The following MYLIP variants were observed in gnomAD, a reference collection of about 807,000 sequenced individuals.
MYLIP encodes the protein myosin regulatory light chain interacting protein.
In MYLIP, 26 loss-of-function variants were observed where a neutral mutation model predicts 45.8. The observed-to-expected ratio is 0.57, with a 90% confidence interval of 0.42 to 0.79. The LOEUF is 0.79. MYLIP is among the 30% of genes least tolerant of loss of function. MYLIP has a pLI of 0.00. For missense variants in MYLIP, 494 were observed against 555.6 expected, an observed-to-expected ratio of 0.89 and a Z score of 1.11; for synonymous variants, 213 against 218.1, an observed-to-expected ratio of 0.98 and a Z score of 0.21.
At chr6:16,157,558 A>T in the MYLIP span, among the ~76,000 whole-genome samples, 3 of 152,242 alleles carry the variant, frequency 2.0e-5, no homozygotes, top group Non-Finnish European at 4.4e-5. Flanking sequence ...TGAATGACTC[A>T]TAGGAGCCTA....
At chr6:16,152,938 G>A (rs1229443628), downstream of MYLIP, among the ~76,000 whole-genome samples, 3 of 152,168 alleles carry the variant, frequency 2.0e-5, no homozygotes, top group African/African-American at 7.2e-5. Context: ...TGAAATAATG[G>A]GAGATGGGGT....
intron 2 of MYLIP, among the ~76,000 whole-genome samples, chr6:16,138,190 G>T (rs1759593719): frequency 2.0e-5 from 3 of 152,098 alleles, no homozygotes; most frequent in Admixed American, 2.0e-4. Flanking sequence ...GTGATTCTAG[G>T]ATGTAGCCTC....
At chr6:16,145,621 CCTGAGGCCTGGCCCAGGGCTG>C (rs1157397855) in intron 6 of MYLIP, among the ~76,000 whole-genome samples, 2 of 152,154 alleles carry the variant, frequency 1.3e-5, no homozygotes, top group African/African-American at 2.4e-5. Flanking sequence ...ATCCAGGCCT[CCTGAGGCCTGGCCCAGGGCTG>C]CTTCCTCTAT....
chr6:16,156,004 T>C, the MYLIP span, among the ~76,000 whole-genome samples: 2 of 152,206 alleles, frequency 1.3e-5, no homozygotes, highest in East Asian at 1.9e-4. Flanking sequence ...GAGGATTTTA[T>C]TGCTGACGAA....
intron 2 of MYLIP, among the ~76,000 whole-genome samples, chr6:16,133,820 A>G (rs1759501348): frequency 6.6e-6 from 1 of 152,216 alleles, no homozygotes; most frequent in South Asian, 2.1e-4. Context: ...TGCTTAGGTA[A>G]GGCTCACCAA....
At chr6:16,135,006 GTGTT>G (rs1759522319) in intron 2 of MYLIP, among the ~76,000 whole-genome samples, 1 of 152,192 alleles carries the variant, frequency 6.6e-6, no homozygotes, top group Non-Finnish European at 1.5e-5. Flanking sequence ...AAGGTGACCA[GTGTT>G]GAGCAGCTGT....
At chr6:16,159,582 C>T in the MYLIP span, among the ~76,000 whole-genome samples, 1 of 152,180 alleles carries the variant, frequency 6.6e-6, no homozygotes, top group Non-Finnish European at 1.5e-5. Context: ...AACACAGTGA[C>T]AGTATCTGTT....
chr6:16,141,862 A>T (rs1379964736), intron 3 of MYLIP, 52 bp downstream of exon 3: 1 of 1,477,152 alleles, frequency 6.8e-7, no homozygotes, highest in South Asian at 1.4e-5. Flanking sequence ...CTTAAACAGG[A>T]TGAAACTAAG....
chr6:16,143,187 T>G lies in MYLIP; in HGVS notation c.632T>G (p.Ile211Ser). 6.2e-7 allele frequency: 1 copy of G among 1,614,214 alleles called. No homozygotes were observed. The highest frequency in any genetic ancestry group is 8.5e-7 in the Non-Finnish European group (1 of 1,180,042). ...LIGVGPEGIS[I>S]CKDDFSPINR... is the part of the protein sequence containing the mutation. ...GGGGTTGGACCTGAAGGAATCTCAA[T>G]TTGTAAAGATGACTTTAGCCCAATT... is the stretch of plus-strand genomic sequence containing the variant. Residue 211 changes from isoleucine to serine, a missense_variant, in exon 4 of 7, where the codon ATT (isoleucine) becomes AGT (serine). Coordinates refer to ENST00000356840, the MANE Select transcript of MYLIP (RefSeq NM_013262.4).
At chr6:16,145,876 A>G (rs1360495314) in intron 6 of MYLIP, among the ~76,000 whole-genome samples, 3 of 152,214 alleles carry the variant, frequency 2.0e-5, no homozygotes, top group Non-Finnish European at 4.4e-5. Flanking sequence ...GAGAACTCAC[A>G]TATAGTTTTC....
intron 2 of MYLIP, among the ~76,000 whole-genome samples, chr6:16,140,394 C>G (rs962576788): frequency 6.6e-6 from 1 of 152,092 alleles, no homozygotes; most frequent in Non-Finnish European, 1.5e-5. Flanking sequence ...TTGTATACAA[C>G]TAGGATGGGC....
At chr6:16,160,121 G>A in the MYLIP span, among the ~76,000 whole-genome samples, 1 of 152,132 alleles carries the variant, frequency 6.6e-6, no homozygotes. Context: ...GTAAATCCAT[G>A]CTGGTTGAGC....
At position 16,129,190 on chromosome 6, in the gene MYLIP, C is replaced by G; in HGVS notation, c.-133C>G. 1.1e-6 allele frequency: 1 copy of G among 917,940 alleles called. No individual in the cohort carries two copies. Among genetic ancestry groups the G allele is most frequent in the Non-Finnish European group, 1.6e-6 (1 of 617,358 alleles). 56.9% of individuals were successfully genotyped at this position (917,940 alleles called of 1,614,324 possible). A position where few individuals can be genotyped will look rare whatever the true frequency, so the allele number is the denominator to read the frequency against. On this transcript the variant is annotated 5_prime_UTR_variant, in exon 1 of 7. Transcript: ENST00000356840. This position sits in a 1 kb window ranked among gnomAD's most constrained non-coding sequence, Gnocchi z 5.1. The stretch of plus-strand genomic sequence containing the variant: ...CGAGTGGCGGCCGCGGGGCCCCGGA[C>G]AAGGGTCCGCAGAGCTGCAGCCTTC...
chr6:16,140,881 G>C lies in MYLIP; in HGVS notation c.279-744G>C, dbSNP rs117865383. The stretch of plus-strand genomic sequence containing the variant: ...TAGAAACAAGCAGCATGGAAGGTAG[G>C]CTGCCTGCATGGAGTCTGGAGGAGG... On this transcript the variant is annotated intron_variant, in intron 2 of 6. Coordinates refer to ENST00000356840, the MANE Select transcript of MYLIP (RefSeq NM_013262.4). Among the ~76,000 whole-genome samples the C allele has an allele frequency of 2.6e-3, 392 of 152,046 alleles. 12 individuals are homozygous for C. The East Asian group carries it at 0.059, about 23-fold the overall frequency.
At position 16,129,310 on chromosome 6, in the gene MYLIP, G is replaced by A. The variant is rs754445121; in HGVS notation, c.-13G>A. On this transcript the variant is annotated 5_prime_UTR_variant, in exon 1 of 7. Coordinates refer to ENST00000356840, the MANE Select transcript of MYLIP (RefSeq NM_013262.4). This position sits in a 1 kb window ranked among gnomAD's most constrained non-coding sequence, Gnocchi z 5.1. ...AAGAGAAGGCGGCTGTGGCGGCAGC[G>A]GCAGCCCCAGCCATGCTGTGTTATG... 4.8e-5 allele frequency: 74 copies of A among 1,556,518 alleles called. No individual in the cohort carries two copies. The African/African-American group carries it at 8.2e-4, about 17-fold the overall frequency.
At chr6:16,149,523 G>A (rs146248111), downstream of MYLIP, among the ~76,000 whole-genome samples, 403 of 152,352 alleles carry the variant, frequency 2.6e-3, 4 homozygotes, top group African/African-American at 8.9e-3. Context: ...TGCTGGGGCT[G>A]GCCCACCCGC....
rs185703203 is a variant in MYLIP, at chr6:16,138,232, C to G, written c.279-3393C>G. ...ATTGAATATGTCATCTACTTTTGAT[C>G]TTTAGTGCAAAAGCATTCACTGCAG... On this transcript the variant is annotated intron_variant, in intron 2 of 6. Transcript: ENST00000356840. Among the ~76,000 whole-genome samples, 378 of 151,848 alleles carry G rather than the reference C, an allele frequency of 2.5e-3. 3 individuals carry two copies. The highest frequency in any genetic ancestry group is 8.8e-3 in the African/African-American group (363 of 41,420).
chr6:16,130,412 G>A, intron 1 of MYLIP, 145 bp from the exon 2 acceptor site: 1 of 734,830 alleles, frequency 1.4e-6, no homozygotes, highest in East Asian at 2.6e-5. Flanking sequence ...TGGAGCCGTG[G>A]AACTTTGTTT....
the MYLIP span, among the ~76,000 whole-genome samples, chr6:16,161,838 G>T: frequency 1.3e-5 from 2 of 152,090 alleles, no homozygotes; most frequent in African/African-American, 4.8e-5. Context: ...TAGTAAAAAT[G>T]AGAAGGCTTT....
Sources: allele counts gnomAD v4.1 joint callset (sites outside exome capture counted in the v4.1 genomes callset), GRCh38; gene constraint gnomAD v4.1.1; non-coding constraint Gnocchi (gnomAD v3.1); transcripts MANE v1.5; gene names NCBI Gene and HGNC (gene_info 2026-07-23, HGNC 2026-07-21).